TRIM36: variants seen among roughly 807,000 people sequenced by gnomAD.
TRIM36 encodes E3 ubiquitin-protein ligase TRIM36.
In TRIM36, 42 loss-of-function variants were observed where a neutral mutation model predicts 72.4. That is an observed-to-expected ratio of 0.58 (90% CI 0.45 to 0.75). The LOEUF is 0.75. Among genes scored for constraint, TRIM36 ranks in the 30% least tolerant of loss-of-function variants. The pLI, the probability that TRIM36 is intolerant of heterozygous loss-of-function variation, is 0.00. For synonymous variants in TRIM36, 315 were observed against 282.8 expected, an observed-to-expected ratio of 1.11 and a Z score of -1.14; for missense variants, 913 against 857.1, an observed-to-expected ratio of 1.07 and a Z score of -0.81.
At chr5:115,132,867 C>G (rs1187393009) in intron 8 of TRIM36, among the ~76,000 whole-genome samples, 1 of 152,118 alleles carries the variant, frequency 6.6e-6, no homozygotes, top group East Asian at 1.9e-4. Context: ...ATAGCATAAA[C>G]CATAAAATAG....
chr5:115,160,973 C>T (rs1754450627), intron 2 of TRIM36, among the ~76,000 whole-genome samples: 1 of 152,214 alleles, frequency 6.6e-6, no homozygotes, highest in Non-Finnish European at 1.5e-5. Context: ...CAAGTAACAT[C>T]ACATTTGCAC....
upstream of TRIM36, among the ~76,000 whole-genome samples, chr5:115,170,291 G>A (rs1173166434): frequency 6.6e-6 from 1 of 152,212 alleles, no homozygotes; most frequent in Non-Finnish European, 1.5e-5. Context: ...GCCGGCTGCA[G>A]CCCTGGCCCC....
At chr5:115,159,828 T>C (rs1358751447) in intron 2 of TRIM36, among the ~76,000 whole-genome samples, 1 of 152,216 alleles carries the variant, frequency 6.6e-6, no homozygotes, top group African/African-American at 2.4e-5. Flanking sequence ...ATAGTATTTA[T>C]GAAGCCAGGA....
At chr5:115,169,527 G>A (rs1754976114) in intron 1 of TRIM36, 81 bp downstream of exon 1, 4 of 1,427,518 alleles carry the variant, frequency 2.8e-6, no homozygotes, top group Non-Finnish European at 3.7e-6. Flanking sequence ...GCTCCCTCCG[G>A]GCTCCCGGCG....
intron 2 of TRIM36, among the ~76,000 whole-genome samples, chr5:115,154,944 C>T (rs536928941): frequency 2.0e-5 from 3 of 152,146 alleles, no homozygotes; most frequent in Admixed American, 6.5e-5. Flanking sequence ...CTTTGGAAGG[C>T]TGAGGCAGGC....
intron 2 of TRIM36, among the ~76,000 whole-genome samples, chr5:115,154,596 T>C (rs1222642877): frequency 6.6e-6 from 1 of 152,114 alleles, no homozygotes; most frequent in East Asian, 1.9e-4. Context: ...AAGAGACAGA[T>C]AAATTATTGG....
Position 115,130,823 on chromosome 5 carries a change from CTCTT to C in TRIM36, c.1561_1564del (p.Lys521GlufsTer4). On this transcript the variant is annotated frameshift_variant, in exon 9 of 10. Coordinates refer to ENST00000513154, the MANE Select transcript of TRIM36 (RefSeq NM_001300759.2). LOFTEE classifies it high-confidence loss of function. ...TCCAGCTCTACTCTCTACACGGTCT[CTCTT>C]CAAGTTCAGCAGGAGGTGTTCATTA... The C allele has an allele frequency of 6.2e-7, 1 of 1,614,130 alleles. No individual in the cohort carries two copies. Among genetic ancestry groups the C allele is most frequent in the Non-Finnish European group, 8.5e-7 (1 of 1,180,020 alleles).
chr5:115,127,187 T>C (rs977383608), intron 9 of TRIM36, among the ~76,000 whole-genome samples: 6 of 152,214 alleles, frequency 3.9e-5, no homozygotes, highest in African/African-American at 1.4e-4. Flanking sequence ...CACACAATCA[T>C]GTACAATCAT....
At chr5:115,131,655 T>C (rs530784207) in intron 8 of TRIM36, among the ~76,000 whole-genome samples, 1 of 152,308 alleles carries the variant, frequency 6.6e-6, no homozygotes, top group South Asian at 2.1e-4. Flanking sequence ...TTTGGATACA[T>C]GCTACAACAT....
intron 2 of TRIM36, chr5:115,148,232 T>G: frequency 1.5e-6 from 1 of 678,948 alleles, no homozygotes; most frequent in Non-Finnish European, 1.8e-6. Flanking sequence ...CTACAAATAA[T>G]TTTACAACAT....
chr5:115,128,481 G>A (rs1311457302), intron 9 of TRIM36, among the ~76,000 whole-genome samples: 12 of 151,744 alleles, frequency 7.9e-5, no homozygotes, highest in East Asian at 7.7e-4. Context: ...GGCCGGGCGC[G>A]GTGGCTCACG....
chr5:115,137,317 A>G, intron 6 of TRIM36, 46 bp downstream of exon 6: 2 of 1,562,386 alleles, frequency 1.3e-6, no homozygotes, highest in Non-Finnish European at 1.7e-6. Context: ...GCAGCATTTA[A>G]TAACATTGCT....
chr5:115,132,072 A>G (rs1258012919), intron 8 of TRIM36, among the ~76,000 whole-genome samples: 1 of 152,082 alleles, frequency 6.6e-6, no homozygotes, highest in Non-Finnish European at 1.5e-5. Context: ...CCCAGGCATC[A>G]TAGTGCACAC....
upstream of TRIM36, among the ~76,000 whole-genome samples, chr5:115,173,727 A>G (rs1755221468): frequency 6.6e-6 from 1 of 152,170 alleles, no homozygotes; most frequent in Non-Finnish European, 1.5e-5. Flanking sequence ...CCTATTTTAC[A>G]TTGTATATGC....
rs1490956685 is a variant in TRIM36, at chr5:115,125,713, C to G, written c.*790G>C. ...TTTGACATAAGAACAAATATTTTCA[C>G]AGAATAAGAAAAACTAAAGATAAAT... On this transcript the variant is annotated 3_prime_UTR_variant, in exon 10 of 10. Coordinates refer to ENST00000513154, the MANE Select transcript of TRIM36 (RefSeq NM_001300759.2). 3.3e-5 allele frequency: 5 copies of G among 151,808 alleles called. No individual in the cohort carries two copies. The highest frequency in any genetic ancestry group is 1.2e-4 in the African/African-American group (5 of 41,330). The allele number at this position is 151,808 out of a possible 1,614,324, so 9.4% of individuals were successfully genotyped here. A position where few individuals can be genotyped will look rare whatever the true frequency, so the allele number is the denominator to read the frequency against.
intron 1 of TRIM36, chr5:115,169,121 C>G (rs923867850): frequency 5.1e-5 from 8 of 155,728 alleles, no homozygotes; most frequent in African/African-American, 1.7e-4. Flanking sequence ...TGACAGCTGC[C>G]GGGGCCCCGG....
intron 9 of TRIM36, among the ~76,000 whole-genome samples, chr5:115,128,922 TCA>T (rs1752509322): frequency 6.6e-6 from 1 of 152,162 alleles, no homozygotes; most frequent in Non-Finnish European, 1.5e-5. Flanking sequence ...TCAAATTCAC[TCA>T]TGGATGCACC....
intron 1 of TRIM36, chr5:115,169,186 C>A (rs1415888539): frequency 1.8e-5 from 3 of 168,428 alleles, no homozygotes; most frequent in Non-Finnish European, 3.8e-5. Flanking sequence ...CAGGCGGCGG[C>A]AGCCGGCCGG....
At chr5:115,167,170 C>T (rs1054518449) in intron 1 of TRIM36, among the ~76,000 whole-genome samples, 6 of 152,144 alleles carry the variant, frequency 3.9e-5, no homozygotes, top group East Asian at 3.9e-4. Context: ...CCTGTGATAC[C>T]GAGGCTGCAC....
Sources: allele counts gnomAD v4.1 joint callset (sites outside exome capture counted in the v4.1 genomes callset), GRCh38; gene constraint gnomAD v4.1.1; transcripts MANE v1.5; gene names NCBI Gene and HGNC (gene_info 2026-07-23, HGNC 2026-07-21).